The following RIMBP2 variants were observed in gnomAD, a reference collection of about 807,000 sequenced individuals.
The protein encoded by RIMBP2 is RIMS-binding protein 2.
Under a neutral mutation model 118.6 loss-of-function variants are expected in RIMBP2, and 48 were observed. The ratio of observed to expected loss-of-function variants is 0.40; its 90% CI spans 0.32 to 0.51. RIMBP2 has a LOEUF of 0.51. RIMBP2 is among the 20% of genes least tolerant of loss of function. The probability of loss-of-function intolerance (pLI) is 0.41; values close to 1 mark genes in which losing one functional copy is unlikely to be tolerated. For missense variants in RIMBP2, 1,551 were observed against 1,768.3 expected, an observed-to-expected ratio of 0.88 and a Z score of 2.20; for synonymous variants, 762 against 742.9, an observed-to-expected ratio of 1.03 and a Z score of -0.42.
At chr12:130,481,846 G>A (rs915143088) in intron 4 of RIMBP2, among the ~76,000 whole-genome samples, 2 of 151,078 alleles carry the variant, frequency 1.3e-5, no homozygotes, top group African/African-American at 4.9e-5. Flanking sequence ...TGCTCCCCCC[G>A]CCCCGCTGGG....
intron 2 of RIMBP2, among the ~76,000 whole-genome samples, chr12:130,608,496 A>G (rs776195240): frequency 1.3e-5 from 2 of 152,080 alleles, no homozygotes; most frequent in African/African-American, 4.8e-5. Flanking sequence ...GTGTCTCTCT[A>G]CTGGGGAGGA....
chr12:130,554,088 GC>G (rs1473897580), intron 2 of RIMBP2, among the ~76,000 whole-genome samples: 15 of 152,192 alleles, frequency 9.9e-5, no homozygotes, highest in Admixed American at 8.5e-4. Flanking sequence ...ATCTCGGGAA[GC>G]AGTGAATTAA....
chr12:130,462,170 G>A (rs1469649517), intron 6 of RIMBP2, among the ~76,000 whole-genome samples: 2 of 152,166 alleles, frequency 1.3e-5, no homozygotes, highest in Non-Finnish European at 2.9e-5. Flanking sequence ...AGATGCCCCC[G>A]GCTGTACCCA....
At chr12:130,423,231 C>T (rs12312190) in intron 16 of RIMBP2, among the ~76,000 whole-genome samples, 4 of 152,158 alleles carry the variant, frequency 2.6e-5, no homozygotes, top group Non-Finnish European at 5.9e-5. Context: ...TGAGGAAGTT[C>T]TCAGGAACAC....
intron 1 of RIMBP2, among the ~76,000 whole-genome samples, chr12:130,694,815 A>C (rs1044721233): frequency 2.0e-5 from 3 of 152,220 alleles, no homozygotes; most frequent in African/African-American, 7.2e-5. Flanking sequence ...AAGAAAGGGA[A>C]GAAGCCACAT....
chr12:130,612,433 G>A (rs2060615023), intron 2 of RIMBP2, among the ~76,000 whole-genome samples: 1 of 152,168 alleles, frequency 6.6e-6, no homozygotes, highest in Non-Finnish European at 1.5e-5. Context: ...GCTCTGCTGT[G>A]CGCAAAGCCC....
rs1392666840 is a variant in RIMBP2, at chr12:130,506,727, A to T, written c.-83T>A. The T allele has an allele frequency of 5.5e-5, 54 of 985,628 alleles. No homozygotes were observed. Among genetic ancestry groups the T allele is most frequent in the Non-Finnish European group, 6.5e-5 (54 of 829,954 alleles). 61.1% of individuals were successfully genotyped at this position (985,628 alleles called of 1,614,324 possible). ...CACGGCCAAATCGCGCTCTCTGGTC[A>T]CGAGGGTGAGCGGATGGTTGAGATG... On this transcript the variant is annotated 5_prime_UTR_variant, in exon 4 of 23. It removes the in-frame stop codon of an upstream open reading frame in the 5' UTR. Coordinates refer to ENST00000690449, the MANE Select transcript of RIMBP2 (RefSeq NM_001393629.1).
chr12:130,437,315 G>A (rs920909750), intron 12 of RIMBP2, 24 bp from the exon 13 acceptor site: 6 of 1,544,528 alleles, frequency 3.9e-6, no homozygotes, highest in South Asian at 2.4e-5. Flanking sequence ...GAGCTGGCTC[G>A]CGGGCTGCCC....
intron 2 of RIMBP2, among the ~76,000 whole-genome samples, chr12:130,582,153 C>T (rs2058524794): frequency 6.6e-6 from 1 of 152,228 alleles, no homozygotes; most frequent in South Asian, 2.1e-4. Flanking sequence ...CTCCATAGCA[C>T]TCCCTACCTT....
chr12:130,478,738 TAAGA>T (rs1387718470), intron 5 of RIMBP2, among the ~76,000 whole-genome samples, 170 bp downstream of exon 5: 1 of 152,156 alleles, frequency 6.6e-6, no homozygotes, highest in African/African-American at 2.4e-5. Context: ...CAGGTCTACT[TAAGA>T]AACACCACAG....
intron 4 of RIMBP2, among the ~76,000 whole-genome samples, chr12:130,496,943 C>A (rs532589394): frequency 6.6e-6 from 1 of 152,190 alleles, no homozygotes; most frequent in Non-Finnish European, 1.5e-5. Flanking sequence ...CCCATCCTCT[C>A]ATGCCCTGGA....
chr12:130,457,420 G>A (rs1345524474), intron 6 of RIMBP2, among the ~76,000 whole-genome samples: 1 of 152,230 alleles, frequency 6.6e-6, no homozygotes, highest in Admixed American at 6.5e-5. Flanking sequence ...GGCCTGGGCT[G>A]TGTCCAGTCT....
At chr12:130,601,257 A>G (rs191793761) in intron 2 of RIMBP2, among the ~76,000 whole-genome samples, 24 of 151,192 alleles carry the variant, frequency 1.6e-4, no homozygotes, top group African/African-American at 5.8e-4. Flanking sequence ...CACCTGAGTG[A>G]AATCAGACCA....
rs2065170772 is a variant in RIMBP2 at position 130,688,602 on chromosome 12, A to G, written c.-352+27620T>C. ...GGGTGACCCTTAGGACTCTGAGCAC[A>G]GCCGGCGGGCATTCTCCCAGCCCTG... On this transcript the variant is annotated intron_variant, in intron 1 of 22. Coordinates refer to ENST00000690449, the MANE Select transcript of RIMBP2 (RefSeq NM_001393629.1). This position sits in a 1 kb window ranked among gnomAD's most constrained non-coding sequence, Gnocchi z 4.7. 6.6e-6 allele frequency among the ~76,000 whole-genome samples: 1 copy of G among 150,546 alleles called. No individual in the cohort carries two copies. The highest frequency in any genetic ancestry group is 2.1e-4 in the South Asian group (1 of 4,716).
intron 1 of RIMBP2, among the ~76,000 whole-genome samples, chr12:130,714,765 C>A (rs189347111): frequency 2.0e-5 from 3 of 152,238 alleles, no homozygotes; most frequent in Non-Finnish European, 4.4e-5. Context: ...CCTCCGGAGC[C>A]GGTCAGACCC....
intron 1 of RIMBP2, among the ~76,000 whole-genome samples, chr12:130,712,894 C>G (rs1950020702): frequency 6.6e-6 from 1 of 152,030 alleles, no homozygotes; most frequent in Non-Finnish European, 1.5e-5. Flanking sequence ...ACAGCCACCG[C>G]AGTACGCATG....
At chr12:130,485,243 T>C (rs961989772) in intron 4 of RIMBP2, among the ~76,000 whole-genome samples, 4 of 152,258 alleles carry the variant, frequency 2.6e-5, no homozygotes, top group African/African-American at 4.8e-5. Context: ...ACCTACTATA[T>C]GCAGGGCACT....
At chr12:130,402,466 T>G (rs946184501) in intron 21 of RIMBP2, among the ~76,000 whole-genome samples, 2 of 152,060 alleles carry the variant, frequency 1.3e-5, no homozygotes, top group Admixed American at 6.6e-5. Flanking sequence ...GCCTGGAGGG[T>G]TCCATATAGC....
rs1476370085 is a variant in RIMBP2, at chr12:130,617,731, C to A, written c.-217+10591G>T. 6.6e-6 allele frequency among the ~76,000 whole-genome samples: 1 copy of A among 152,140 alleles called. No homozygotes were observed. Among genetic ancestry groups the A allele is most frequent in the Non-Finnish European group, 1.5e-5 (1 of 68,030 alleles). On this transcript the variant is annotated intron_variant, in intron 2 of 22. Transcript: ENST00000690449. This position sits in a 1 kb window ranked among gnomAD's most constrained non-coding sequence, Gnocchi z 4.6. The stretch of plus-strand genomic sequence containing the variant: ...AGTCCTCGAAGGTCCGCAGATGCAC[C>A]CCAGTTCTGAATTCACAGAATGCAC...
Sources: allele counts gnomAD v4.1 joint callset (sites outside exome capture counted in the v4.1 genomes callset), GRCh38; gene constraint gnomAD v4.1.1; non-coding constraint Gnocchi (gnomAD v3.1); transcripts MANE v1.5; gene names NCBI Gene and HGNC (gene_info 2026-07-23, HGNC 2026-07-21).